Variants in NRG1 observed in about 807,000 individuals in gnomAD.
NRG1 encodes the protein pro-neuregulin-1, membrane-bound isoform.
Under a neutral mutation model 63.8 loss-of-function variants are expected in NRG1, and 18 were observed. The ratio of observed to expected loss-of-function variants is 0.28; its 90% confidence interval spans 0.19 to 0.42. The LOEUF (loss-of-function observed/expected upper bound fraction) is 0.42, where lower values mean the gene tolerates loss of function less well. Ranked by LOEUF, NRG1 falls within the 10% of genes least tolerant of loss-of-function variation. NRG1 has a pLI of 1.00. For synonymous variants in NRG1, 302 were observed against 301.3 expected, an observed-to-expected ratio of 1.00 and a Z score of -0.02; for missense variants, 762 against 814.7, an observed-to-expected ratio of 0.94 and a Z score of 0.79.
At chr8:32,127,271 T>G (rs1280360469) in intron 1 of NRG1, among the ~76,000 whole-genome samples, 3 of 151,834 alleles carry the variant, frequency 2.0e-5, no homozygotes, top group Non-Finnish European at 4.4e-5. Flanking sequence ...CCAAAAACCA[T>G]GGAAACAAAG....
chr8:31,848,255 C>T (rs965438162), intron 1 of NRG1, among the ~76,000 whole-genome samples: 5 of 151,980 alleles, frequency 3.3e-5, no homozygotes, highest in African/African-American at 7.3e-5. Context: ...TTAAAGTTTT[C>T]GAAATTATAT....
At chr8:32,312,894 C>G (rs1856984614) in intron 1 of NRG1, among the ~76,000 whole-genome samples, 1 of 152,094 alleles carries the variant, frequency 6.6e-6, no homozygotes, top group African/African-American at 2.4e-5. Context: ...TGGCTCACAC[C>G]TGTAATCCCA....
chr8:31,860,546 C>T (rs1563495792), intron 1 of NRG1, among the ~76,000 whole-genome samples: 1 of 152,092 alleles, frequency 6.6e-6, no homozygotes. Context: ...AAAGTAATTA[C>T]CGTATGTTTA....
intron 1 of NRG1, among the ~76,000 whole-genome samples, chr8:31,703,688 A>C (rs1399457335): frequency 6.6e-6 from 1 of 152,198 alleles, no homozygotes; most frequent in Non-Finnish European, 1.5e-5. Flanking sequence ...GAGTACAAGA[A>C]ACTGGTCTGT....
chr8:32,331,390 G>A (rs983982122), intron 1 of NRG1, among the ~76,000 whole-genome samples: 1 of 147,652 alleles, frequency 6.8e-6, no homozygotes, highest in African/African-American at 2.5e-5. Context: ...AAATAGCTGG[G>A]TGTGGTGATA....
intron 1 of NRG1, among the ~76,000 whole-genome samples, chr8:31,679,079 C>T (rs1411174793): frequency 6.6e-5 from 10 of 151,884 alleles, no homozygotes; most frequent in Admixed American, 2.0e-4. Context: ...TATTTCCTTG[C>T]GATACTTACT....
intron 1 of NRG1, among the ~76,000 whole-genome samples, chr8:31,680,344 A>G (rs1229232215): frequency 7.2e-6 from 1 of 138,020 alleles, no homozygotes; most frequent in Non-Finnish European, 1.5e-5. Context: ...TCCTGTGTCC[A>G]TGTGTTCTCA....
chr8:31,651,012 TCTC>T (rs1402399932), intron 1 of NRG1, among the ~76,000 whole-genome samples: 5 of 152,186 alleles, frequency 3.3e-5, no homozygotes, highest in South Asian at 2.1e-4. Context: ...AACATAGAAA[TCTC>T]CTTCTTCTGG....
chr8:32,476,430 GAA>G (rs1169153338), intron 1 of NRG1, among the ~76,000 whole-genome samples: 1 of 152,210 alleles, frequency 6.6e-6, no homozygotes, highest in African/African-American at 2.4e-5. Flanking sequence ...TACAATTACA[GAA>G]AAGTTTCATT....
At chr8:32,677,087 C>G (rs768611929) in intron 5 of NRG1, among the ~76,000 whole-genome samples, 7 of 151,868 alleles carry the variant, frequency 4.6e-5, no homozygotes, top group Non-Finnish European at 1.0e-4. Flanking sequence ...TTGTGTTTAC[C>G]TCAAGAGTAT....
rs150821421 is a variant in NRG1, at chr8:31,725,426, C to T, written c.37+85995C>T. 2.0e-4 allele frequency among the ~76,000 whole-genome samples: 31 copies of T among 151,450 alleles called. No individual in the cohort carries two copies. The East Asian group carries it at 2.4e-3, about 12-fold the overall frequency. On this transcript the variant is annotated intron_variant, in intron 1 of 10. Coordinates refer to the NRG1 transcript ENST00000519301. ...TATCTCAGGTAGTGGAAGGAGGATACTGCACCACACAACTCATAGAACTGA... is the reference window on the plus strand; with the variant it reads ...TATCTCAGGTAGTGGAAGGAGGATATTGCACCACACAACTCATAGAACTGA...
chr8:31,846,689 A>G (rs867785782), intron 1 of NRG1, among the ~76,000 whole-genome samples: 23 of 152,194 alleles, frequency 1.5e-4, no homozygotes, highest in South Asian at 4.1e-4. Context: ...AGGAATTCCA[A>G]TGAAATTCAC....
At chr8:32,176,111 T>TAACCAAA (rs1840703364) in intron 1 of NRG1, among the ~76,000 whole-genome samples, 1 of 152,218 alleles carries the variant, frequency 6.6e-6, no homozygotes, top group Non-Finnish European at 1.5e-5. Context: ...AACAGCATGG[T>TAACCAAA]ACTGATACCA....
chr8:32,694,850 G>A (rs961635093), intron 5 of NRG1, among the ~76,000 whole-genome samples: 1 of 152,128 alleles, frequency 6.6e-6, no homozygotes, highest in African/African-American at 2.4e-5. Flanking sequence ...TAAGTTATTT[G>A]CCTGAAATCC....
chr8:32,453,672 C>T (rs898558585), intron 1 of NRG1, among the ~76,000 whole-genome samples: 25 of 152,298 alleles, frequency 1.6e-4, no homozygotes, highest in African/African-American at 6.0e-4. Flanking sequence ...TTTTAGGCAA[C>T]AGACAGTCCT....
At chr8:32,445,615 CT>C (rs1820139754) in intron 1 of NRG1, among the ~76,000 whole-genome samples, 1 of 152,160 alleles carries the variant, frequency 6.6e-6, no homozygotes, top group Non-Finnish European at 1.5e-5. Flanking sequence ...AACAATGATA[CT>C]GGCCAACTGA....
intron 1 of NRG1, among the ~76,000 whole-genome samples, chr8:31,697,734 A>G (rs900321058): frequency 6.6e-6 from 1 of 152,186 alleles, no homozygotes; most frequent in Admixed American, 6.5e-5. Flanking sequence ...CACGGTTTTC[A>G]GAAGGTGAGT....
chr8:32,347,632 G>A (rs1805078591), intron 1 of NRG1, among the ~76,000 whole-genome samples: 1 of 152,148 alleles, frequency 6.6e-6, no homozygotes, highest in African/African-American at 2.4e-5. Context: ...ATGAAGGTCT[G>A]TAGCCGTGTT....
At chr8:31,999,040 T>C (rs980584301) in intron 1 of NRG1, among the ~76,000 whole-genome samples, 18 of 151,910 alleles carry the variant, frequency 1.2e-4, no homozygotes, top group African/African-American at 3.1e-4. Context: ...ACTTGGTATA[T>C]AGTTCTTTTT....
Sources: gnomAD v4.1 joint callset for allele counts (sites outside exome capture counted in the v4.1 genomes callset) on GRCh38, gnomAD v4.1.1 for gene constraint, MANE v1.5 for transcripts, NCBI Gene and HGNC (gene_info 2026-07-23, HGNC 2026-07-21) for gene names.